The following TACC2 variants were observed in gnomAD, a reference collection of about 807,000 sequenced individuals.
The protein encoded by TACC2 is transforming acidic coiled-coil-containing protein 2.
In TACC2, 137 loss-of-function variants were observed where a neutral mutation model predicts 227.3. That is an observed-to-expected ratio of 0.60 (90% CI 0.52 to 0.69). TACC2 has a LOEUF of 0.69. Among genes scored for constraint, TACC2 ranks in the 30% least tolerant of loss-of-function variants. The pLI is 0.00. For missense variants in TACC2, 3,470 were observed against 3,694.4 expected (o/e 0.94, Z 1.57); for synonymous variants, 1,523 against 1,487.5 (o/e 1.02, Z -0.55).
At chr10:122,123,412 TG>T (rs1247096683) in intron 5 of TACC2, among the ~76,000 whole-genome samples, 1 of 152,146 alleles carries the variant, frequency 6.6e-6, no homozygotes, top group Non-Finnish European at 1.5e-5. Flanking sequence ...AGAGATGAGT[TG>T]TTTTTCATCA....
intron 7 of TACC2, among the ~76,000 whole-genome samples, chr10:122,156,285 G>A (rs796237775): frequency 9.9e-4 from 149 of 150,502 alleles, no homozygotes; most frequent in African/African-American, 3.5e-3. Flanking sequence ...GTGCAGTGGC[G>A]TGACTTCGGC....
rs776015159 is a variant in TACC2 at position 122,084,504 on chromosome 10, C to T, written c.2004C>T (p.Pro668=). 84 of 1,613,262 alleles carry T rather than the reference C, an allele frequency of 5.2e-5. No homozygotes were observed. The highest frequency in any genetic ancestry group is 1.6e-4 in the Middle Eastern group (1 of 6,082). The change falls in exon 4 of 23, where the codon CCC becomes CCT. Residue 668 remains proline (P), a synonymous_variant. Coordinates refer to ENST00000369005, the MANE Select transcript of TACC2 (RefSeq NM_206862.4). ...GLPHKLGEED[P]VLPPVPDGAG... ...CACACAAGCTGGGTGAGGAGGACCC[C>T]GTCCTGCCCCCTGTGCCAGATGGAG...
chr10:122,141,564 T>A lies in TACC2; in HGVS notation c.5700-2008T>A, dbSNP rs549429356. On this transcript the variant is annotated intron_variant, in intron 6 of 22. Coordinates refer to ENST00000369005, the MANE Select transcript of TACC2 (RefSeq NM_206862.4). The surrounding 1 kb of genome is among the most constrained non-coding windows in gnomAD (Gnocchi z 4.3). The stretch of plus-strand genomic sequence containing the variant: ...GCCTTGGTTGTGCTGCCCCAGGGTG[T>A]TCTCAGAGATGGGGCAGGTGTAGCC... 1.8e-4 allele frequency among the ~76,000 whole-genome samples: 27 copies of A among 152,120 alleles called. No homozygotes were observed. Among genetic ancestry groups the A allele is most frequent in the African/African-American group, 5.5e-4 (23 of 41,482 alleles).
chr10:122,069,444 G>A (rs925591817), intron 3 of TACC2, among the ~76,000 whole-genome samples: 18 of 151,920 alleles, frequency 1.2e-4, no homozygotes, highest in African/African-American at 2.9e-4. Context: ...GGGTTTCACC[G>A]TGTTAGCCAG....
In TACC2 at chr10:122,087,488, G is replaced by A. The variant is rs1432249770; in HGVS notation, c.4988G>A (p.Gly1663Glu). The A allele has an allele frequency of 1.9e-6, 3 of 1,613,892 alleles. No homozygotes were observed. The African/African-American group carries it at 4.0e-5, about 22-fold the overall frequency. The change falls in exon 4 of 23, where the codon GGA becomes GAA. Residue 1663 changes from glycine (G) to glutamate (E), a missense_variant. Around this residue, in one of 10 missense-constraint regions of TACC2, gnomAD observed 1,924 missense variants for 1,978.3 expected, o/e 0.97. Transcript: ENST00000369005. The part of the protein sequence containing the change: ...LDTLGGERRP[G>E]VTAGILEMRN... ...ACGCTTGGGGGTGAAAGGAGACCCGGAGTCACTGCTGGCATCTTGGAAATG... is the reference window on the plus strand; with the variant it reads ...ACGCTTGGGGGTGAAAGGAGACCCGAAGTCACTGCTGGCATCTTGGAAATG...
chr10:122,071,803 C>T (rs1164745029), intron 3 of TACC2, among the ~76,000 whole-genome samples: 1 of 148,086 alleles, frequency 6.8e-6, no homozygotes, highest in Non-Finnish European at 1.5e-5. Context: ...ACGAGAAATG[C>T]TTGAACCCAG....
At chr10:122,198,940 A>G (rs900842739) in intron 8 of TACC2, among the ~76,000 whole-genome samples, 2 of 152,248 alleles carry the variant, frequency 1.3e-5, no homozygotes, top group African/African-American at 2.4e-5. Flanking sequence ...ATTGCGAGTC[A>G]GTGGGTGATC....
chr10:122,144,913 C>G (rs1333700452), intron 7 of TACC2, among the ~76,000 whole-genome samples: 1 of 152,186 alleles, frequency 6.6e-6, no homozygotes, highest in Admixed American at 6.5e-5. Context: ...AGTGCCTGGT[C>G]TGCCATAATT....
At chr10:122,251,818 G>A (rs996136963) in intron 22 of TACC2, among the ~76,000 whole-genome samples, 1 of 152,202 alleles carries the variant, frequency 6.6e-6, no homozygotes, top group African/African-American at 2.4e-5. Flanking sequence ...TGTTTGAGAT[G>A]GTTCCCCCAT....
At chr10:122,154,668 C>T (rs576406957) in intron 7 of TACC2, among the ~76,000 whole-genome samples, 1 of 152,280 alleles carries the variant, frequency 6.6e-6, no homozygotes, top group Admixed American at 6.5e-5. Flanking sequence ...TATCCTCAGA[C>T]ACAATTGTAT....
At position 122,082,812 on chromosome 10, in the gene TACC2, A is replaced by G; in HGVS notation, c.312A>G (p.Arg104=). ...CCAGCCCACCACCGTCCCAGGAGCG[A>G]GAGCACCCCTCGTCCTCCATGCCCT... is the stretch of plus-strand genomic sequence containing the variant. ...LLPSPPPSQE[R]EHPSSSMPFA... The change falls in exon 4 of 23, where the codon CGA becomes CGG. Residue 104 remains arginine, a synonymous_variant. Coordinates refer to ENST00000369005, the MANE Select transcript of TACC2 (RefSeq NM_206862.4). The G allele has an allele frequency of 6.2e-7, 1 of 1,613,748 alleles. No homozygotes were observed. The highest frequency in any genetic ancestry group is 2.2e-5 in the East Asian group (1 of 44,848).
intron 7 of TACC2, among the ~76,000 whole-genome samples, chr10:122,167,179 G>T (rs1313172657): frequency 1.3e-5 from 2 of 152,192 alleles, no homozygotes. Flanking sequence ...GGCCTGCCCC[G>T]ACTGTTGCCC....
In TACC2 at chr10:122,085,316, A is replaced by G. The variant is rs1489355712; in HGVS notation, c.2816A>G (p.Gln939Arg). 6.2e-7 allele frequency: 1 copy of G among 1,614,090 alleles called. No individual in the cohort carries two copies. Among genetic ancestry groups the G allele is most frequent in the Non-Finnish European group, 8.5e-7 (1 of 1,180,046 alleles). ...EESELSAPTR[Q>R]KLPALGEKRP... ...TCAGAATTGTCAGCACCAACGAGAC[A>G]GAAGTTGCCTGCACTAGGGGAGAAG... The change falls in exon 4 of 23, where the codon CAG becomes CGG. Residue 939 changes from glutamine to arginine, a missense_variant. Gln to Arg is a conservative substitution (Grantham distance 43). This residue lies in a region of TACC2 where 1,924 missense variants were observed against 1,978.3 expected (regional missense o/e 0.97). Coordinates refer to ENST00000369005, the MANE Select transcript of TACC2 (RefSeq NM_206862.4).
At chr10:122,107,407 G>A (rs4297404) in intron 5 of TACC2, among the ~76,000 whole-genome samples, 77,685 of 151,490 alleles carry the variant, frequency 0.51, 20,120 homozygotes, top group East Asian at 0.66. Context: ...TGGCCAACAT[G>A]GTGAAACCCC....
intron 7 of TACC2, among the ~76,000 whole-genome samples, chr10:122,182,014 A>G (rs1229769943): frequency 3.9e-5 from 6 of 152,214 alleles, no homozygotes; most frequent in African/African-American, 1.4e-4. Flanking sequence ...CTAGATTTTC[A>G]GGCTTTCTAC....
chr10:122,221,073 T>C (rs2095515519), intron 11 of TACC2, among the ~76,000 whole-genome samples: 1 of 152,224 alleles, frequency 6.6e-6, no homozygotes. Flanking sequence ...AGCTTCAAGT[T>C]GTCTTTAATA....
At chr10:122,159,014 A>C (rs1321654192) in intron 7 of TACC2, among the ~76,000 whole-genome samples, 4 of 152,334 alleles carry the variant, frequency 2.6e-5, no homozygotes, top group Admixed American at 2.0e-4. Flanking sequence ...CAAGGCAAGA[A>C]AGCGCCAAGG....
At chr10:122,021,651 C>T (rs975277173) in intron 1 of TACC2, among the ~76,000 whole-genome samples, 1 of 152,220 alleles carries the variant, frequency 6.6e-6, no homozygotes, top group African/African-American at 2.4e-5. Flanking sequence ...TGTATATATA[C>T]GTATATGTGT....
chr10:122,078,393 G>A (rs1196375958), intron 3 of TACC2, among the ~76,000 whole-genome samples: 1 of 152,028 alleles, frequency 6.6e-6, no homozygotes, highest in African/African-American at 2.4e-5. Context: ...ATGTGTGTGT[G>A]TTTCCAGAAC....
Sources: allele counts gnomAD v4.1 joint callset (sites outside exome capture counted in the v4.1 genomes callset), GRCh38; gene constraint gnomAD v4.1.1; regional missense constraint gnomAD v4.1.1; non-coding constraint Gnocchi (gnomAD v3.1); transcripts MANE v1.5; gene names NCBI Gene and HGNC (gene_info 2026-07-23, HGNC 2026-07-21).